Variants in RANBP2 observed in about 807,000 individuals in gnomAD.
RANBP2 encodes the protein E3 SUMO-protein ligase RanBP2.
In RANBP2, 57 loss-of-function variants were observed where a neutral mutation model predicts 303.6. The observed-to-expected ratio is 0.19, with a 90% confidence interval of 0.15 to 0.23. RANBP2 has a LOEUF of 0.23. Among genes scored for constraint, RANBP2 ranks in the 10% least tolerant of loss-of-function variants. The pLI, the probability that RANBP2 is intolerant of heterozygous loss-of-function variation, is 1.00. For missense variants in RANBP2, 3,138 were observed against 3,780.8 expected (o/e 0.83, Z 4.46); for synonymous variants, 1,167 against 1,301.5 (o/e 0.90, Z 2.23).
At chr2:109,493,307 G>A in the RANBP2 span, among the ~76,000 whole-genome samples, 1 of 136,672 alleles carries the variant, frequency 7.3e-6, no homozygotes. Flanking sequence ...TGCACACCAT[G>A]CAAATATACG....
At chr2:109,262,919 G>T in the RANBP2 span, among the ~76,000 whole-genome samples, 1 of 151,948 alleles carries the variant, frequency 6.6e-6, no homozygotes, top group African/African-American at 2.4e-5. Flanking sequence ...TGCAACCTTT[G>T]CCTCCCGGGT....
the RANBP2 span, among the ~76,000 whole-genome samples, chr2:109,074,652 A>T: frequency 1.3e-5 from 2 of 150,226 alleles, no homozygotes; most frequent in Non-Finnish European, 3.0e-5. Flanking sequence ...GTGAGCCAAG[A>T]TCACACCGCT....
intron 23 of RANBP2, 62 bp downstream of exon 23, chr2:108,773,108 T>A: frequency 3.4e-6 from 5 of 1,474,576 alleles, no homozygotes; most frequent in Non-Finnish European, 4.7e-6. Flanking sequence ...GCAGTAAACT[T>A]TAGAATGTTC....
chr2:109,333,360 G>A, the RANBP2 span, among the ~76,000 whole-genome samples: 1 of 152,196 alleles, frequency 6.6e-6, no homozygotes, highest in Non-Finnish European at 1.5e-5. Context: ...TAATGTATTG[G>A]TTTCAGCATC....
chr2:109,662,700 C>A, the RANBP2 span, among the ~76,000 whole-genome samples: 1 of 152,146 alleles, frequency 6.6e-6, no homozygotes, highest in Non-Finnish European at 1.5e-5. Context: ...CATTAGCCAC[C>A]ATGCCCGGCC....
At chr2:109,291,499 C>T in the RANBP2 span, among the ~76,000 whole-genome samples, 7 of 152,214 alleles carry the variant, frequency 4.6e-5, no homozygotes, top group Middle Eastern at 3.4e-3. Flanking sequence ...CCTTCGGGCA[C>T]GTGCTGCGGA....
the RANBP2 span, among the ~76,000 whole-genome samples, chr2:109,030,854 C>G: frequency 6.6e-6 from 1 of 152,068 alleles, no homozygotes; most frequent in African/African-American, 2.4e-5. Flanking sequence ...TCCAGAGTAG[C>G]TGGGACCACA....
chr2:109,422,729 C>G, the RANBP2 span, among the ~76,000 whole-genome samples: 169 of 152,312 alleles, frequency 1.1e-3, no homozygotes, highest in Middle Eastern at 6.8e-3. Context: ...CCCAGAGGGT[C>G]TCAAGGTTGA....
chr2:109,402,707 G>A, the RANBP2 span, among the ~76,000 whole-genome samples: 7 of 152,224 alleles, frequency 4.6e-5, no homozygotes, highest in Admixed American at 1.3e-4. Flanking sequence ...GGCTGTAGGG[G>A]AAGACAGGAT....
intron 1 of RANBP2, 133 bp from the exon 2 acceptor site, chr2:108,728,999 C>G (rs115928089): frequency 6.3e-6 from 7 of 1,107,822 alleles, no homozygotes; most frequent in East Asian, 5.4e-5. Flanking sequence ...CATTTGTCAG[C>G]CTTTAAAAAA....
chr2:109,464,321 G>A, the RANBP2 span, among the ~76,000 whole-genome samples: 7 of 152,074 alleles, frequency 4.6e-5, no homozygotes, highest in African/African-American at 1.4e-4. Flanking sequence ...ATGAACTCAC[G>A]TACAATGTGA....
chr2:109,421,619 T>C, the RANBP2 span, among the ~76,000 whole-genome samples: 3 of 152,230 alleles, frequency 2.0e-5, no homozygotes, highest in African/African-American at 4.8e-5. Context: ...ACAGGGTTGC[T>C]GTGACCTCTA....
the RANBP2 span, among the ~76,000 whole-genome samples, chr2:109,061,964 C>T: frequency 6.6e-6 from 1 of 152,176 alleles, no homozygotes; most frequent in Admixed American, 6.5e-5. Flanking sequence ...GAGCCTACCC[C>T]TCCCTCATTA....
intron 1 of RANBP2, among the ~76,000 whole-genome samples, chr2:108,724,569 C>G (rs1694538785): frequency 6.6e-6 from 1 of 151,326 alleles, no homozygotes; most frequent in Non-Finnish European, 1.5e-5. Context: ...CTGGAAGTGT[C>G]CTTTCAATTG....
At chr2:108,762,013 C>G in intron 18 of RANBP2, 88 bp from the exon 19 acceptor site, 1 of 1,543,602 alleles carries the variant, frequency 6.5e-7, no homozygotes, top group East Asian at 2.3e-5. Context: ...ATTTCTATTG[C>G]CTTTGTATTT....
At chr2:109,671,340 G>A in the RANBP2 span, among the ~76,000 whole-genome samples, 1 of 152,144 alleles carries the variant, frequency 6.6e-6, no homozygotes, top group Admixed American at 6.5e-5. Flanking sequence ...TAGGAGCCTT[G>A]TAGGGAGGGC....
At chr2:108,943,378 C>A in the RANBP2 span, among the ~76,000 whole-genome samples, 1 of 152,172 alleles carries the variant, frequency 6.6e-6, no homozygotes, top group Non-Finnish European at 1.5e-5. Flanking sequence ...TTCTGGCTCA[C>A]CTCATTCTTT....
the RANBP2 span, among the ~76,000 whole-genome samples, chr2:109,767,310 G>A: frequency 9.3e-5 from 14 of 149,986 alleles, no homozygotes; most frequent in African/African-American, 2.4e-4. Flanking sequence ...GAGTAGAGAG[G>A]TTGGTAGCTT....
At chr2:109,615,038 CGAG>C in the RANBP2 span, 1 of 1,548,124 alleles carries the variant, frequency 6.5e-7, no homozygotes, top group Non-Finnish European at 8.7e-7. Context: ...CACATGGCTG[CGAG>C]GAGGCGGACA....
Sources: allele counts gnomAD v4.1 joint callset (sites outside exome capture counted in the v4.1 genomes callset), GRCh38; gene constraint gnomAD v4.1.1; transcripts MANE v1.5; gene names NCBI Gene and HGNC (gene_info 2026-07-23, HGNC 2026-07-21).